Variants in LRRFIP1 observed in about 807,000 individuals in gnomAD.
LRRFIP1 encodes the protein LRR binding FLII interacting protein 1, also known as leucine-rich repeat flightless-interacting protein 1.
Under a neutral mutation model 104.4 loss-of-function variants are expected in LRRFIP1, and 62 were observed. The ratio of observed to expected loss-of-function variants is 0.59; its 90% CI spans 0.48 to 0.73. The LOEUF is 0.73. Among genes scored for constraint, LRRFIP1 ranks in the 30% least tolerant of loss-of-function variants. LRRFIP1 has a pLI of 0.00. For missense variants in LRRFIP1, 796 were observed against 824.5 expected (o/e 0.97, Z 0.42); for synonymous variants, 300 against 299.0 (o/e 1.00, Z -0.03).
At chr2:237,677,632 A>C (rs1248703357) in intron 1 of LRRFIP1, among the ~76,000 whole-genome samples, 1 of 152,212 alleles carries the variant, frequency 6.6e-6, no homozygotes, top group Non-Finnish European at 1.5e-5. Context: ...ATCTCTACCC[A>C]AAAAACTAAA....
At chr2:237,764,071 A>G in intron 19 of LRRFIP1, 1 of 1,614,260 alleles carries the variant, frequency 6.2e-7, no homozygotes, top group Non-Finnish European at 8.5e-7. Flanking sequence ...ACTTCAATCC[A>G]GAAAGCAGAG....
In LRRFIP1 at chr2:237,649,803, C is replaced by A. The variant is rs1030516479; in HGVS notation, c.96+22063C>A. On this transcript the variant is annotated intron_variant, in intron 1 of 23. Transcript: ENST00000308482. The surrounding 1 kb of genome is among the most constrained non-coding windows in gnomAD (Gnocchi z 4.1). ...TTGGTCATGCCACCCGGGCTGAGTT[C>A]ATTTACCTGCTCATTCATGTATTCA... Among the ~76,000 whole-genome samples the A allele has an allele frequency of 6.6e-6, 1 of 151,786 alleles. No homozygotes were observed. Among genetic ancestry groups the A allele is most frequent in the Non-Finnish European group, 1.5e-5 (1 of 67,896 alleles).
intron 1 of LRRFIP1, among the ~76,000 whole-genome samples, chr2:237,700,901 C>G (rs1056377041): frequency 6.6e-6 from 1 of 152,200 alleles, no homozygotes; most frequent in Non-Finnish European, 1.5e-5. Flanking sequence ...GAGTATTTCT[C>G]AGGAACTGCC....
intron 1 of LRRFIP1, among the ~76,000 whole-genome samples, chr2:237,706,313 C>T (rs1056501166): frequency 1.3e-5 from 2 of 152,152 alleles, no homozygotes; most frequent in Non-Finnish European, 2.9e-5. Context: ...CCAACCCTTT[C>T]CTCTTTCTTA....
intron 1 of LRRFIP1, among the ~76,000 whole-genome samples, chr2:237,645,259 A>G (rs932071007): frequency 6.6e-6 from 1 of 152,212 alleles, no homozygotes; most frequent in African/African-American, 2.4e-5. Context: ...TAGTGTGAGT[A>G]TCAAAAGCAG....
chr2:237,746,802 G>A (rs987955611), intron 11 of LRRFIP1, among the ~76,000 whole-genome samples: 1 of 152,232 alleles, frequency 6.6e-6, no homozygotes, highest in Admixed American at 6.5e-5. Context: ...AAGCGCCCGT[G>A]AACACATGGT....
chr2:237,632,968 T>A (rs1485501906), intron 1 of LRRFIP1, among the ~76,000 whole-genome samples: 2 of 152,214 alleles, frequency 1.3e-5, no homozygotes, highest in African/African-American at 4.8e-5. Flanking sequence ...TGAATTTGCT[T>A]TTCTGAGGCT....
intron 1 of LRRFIP1, among the ~76,000 whole-genome samples, chr2:237,694,960 A>G (rs778095509): frequency 9.2e-5 from 14 of 152,192 alleles, no homozygotes; most frequent in Non-Finnish European, 1.9e-4. Context: ...ACAGTCTCCC[A>G]AGTCCCATCT....
At chr2:237,658,123 G>A (rs1216977946) in intron 1 of LRRFIP1, among the ~76,000 whole-genome samples, 1 of 152,178 alleles carries the variant, frequency 6.6e-6, no homozygotes, top group Non-Finnish European at 1.5e-5. Flanking sequence ...CTACTGCCCA[G>A]AAATCAATAG....
intron 1 of LRRFIP1, among the ~76,000 whole-genome samples, chr2:237,654,652 G>A (rs546892733): frequency 1.3e-5 from 2 of 152,084 alleles, no homozygotes; most frequent in Non-Finnish European, 2.9e-5. Context: ...ACGGGTTCAA[G>A]TGATTCTCCT....
At chr2:237,659,706 G>A (rs1418419544) in intron 1 of LRRFIP1, among the ~76,000 whole-genome samples, 2 of 151,372 alleles carry the variant, frequency 1.3e-5, no homozygotes, top group African/African-American at 2.4e-5. Context: ...ACAGCGGTGC[G>A]ATCATTGCTC....
chr2:237,663,310 G>T (rs548868092), intron 1 of LRRFIP1, among the ~76,000 whole-genome samples: 1 of 152,244 alleles, frequency 6.6e-6, no homozygotes, highest in Non-Finnish European at 1.5e-5. Context: ...CTAAATTCAT[G>T]TATAGAAATC....
At chr2:237,692,045 G>T (rs1469208871) in intron 1 of LRRFIP1, 8 of 337,774 alleles carry the variant, frequency 2.4e-5, no homozygotes, top group Middle Eastern at 1.5e-3. Context: ...AGCGGCGCAG[G>T]GGGGCGGGGA....
chr2:237,632,026 G>A (rs574606344), intron 1 of LRRFIP1, among the ~76,000 whole-genome samples: 75 of 152,372 alleles, frequency 4.9e-4, no homozygotes, highest in African/African-American at 1.6e-3. Flanking sequence ...CCGGCCCCAA[G>A]TTGACTCGTG....
intron 1 of LRRFIP1, among the ~76,000 whole-genome samples, chr2:237,677,897 TA>T (rs989989063): frequency 3.3e-5 from 5 of 152,298 alleles, no homozygotes; most frequent in African/African-American, 1.2e-4. Context: ...ATTCTAAATG[TA>T]GGGCATATAT....
rs6742060 is a variant in LRRFIP1, at chr2:237,661,589, A to G, written c.96+33849A>G. 0.18 allele frequency among the ~76,000 whole-genome samples: 27,277 copies of G among 152,148 alleles called. 3,985 individuals are homozygous for G. Among genetic ancestry groups the G allele is most frequent in the African/African-American group, 0.4 (16,725 of 41,458 alleles). ...CCTATGTGCATCTCTGTCCTCATCC[A>G]TGAAACCATCCTTGTCCTCACTGTC... On this transcript the variant is annotated intron_variant, in intron 1 of 23. Transcript: ENST00000308482. The surrounding 1 kb of genome is among the most constrained non-coding windows in gnomAD (Gnocchi z 4.4).
chr2:237,733,182 A>G (rs995600738), intron 8 of LRRFIP1, among the ~76,000 whole-genome samples: 15 of 152,242 alleles, frequency 9.9e-5, no homozygotes, highest in Admixed American at 2.6e-4. Flanking sequence ...CTGTCCCTTC[A>G]CCAGCACTGC....
At chr2:237,779,279 A>G in intron 23 of LRRFIP1, 143 bp from the exon 24 acceptor site, 1 of 1,301,176 alleles carries the variant, frequency 7.7e-7, no homozygotes, top group Non-Finnish European at 1.0e-6. Context: ...CAGTTGTTTC[A>G]GAGGAGGAAG....
chr2:237,688,367 A>T (rs1308356365), intron 1 of LRRFIP1, among the ~76,000 whole-genome samples: 1 of 152,114 alleles, frequency 6.6e-6, no homozygotes, highest in Non-Finnish European at 1.5e-5. Flanking sequence ...GAGGAAGTCA[A>T]GCCCTGGTCA....
Sources: allele counts gnomAD v4.1 joint callset (sites outside exome capture counted in the v4.1 genomes callset), GRCh38; gene constraint gnomAD v4.1.1; non-coding constraint Gnocchi (gnomAD v3.1); transcripts MANE v1.5; gene names NCBI Gene and HGNC (gene_info 2026-07-23, HGNC 2026-07-21).